GPHN: variants seen among roughly 807,000 people sequenced by gnomAD.
GPHN encodes the protein gephyrin.
A neutral mutation model predicts 95.5 loss-of-function variants in GPHN; 17 were observed. That is an observed-to-expected ratio of 0.18 (90% CI 0.12 to 0.27). The LOEUF (loss-of-function observed/expected upper bound fraction) is 0.27, where lower values mean the gene tolerates loss of function less well. Ranked by LOEUF, GPHN falls within the 10% of genes least tolerant of loss-of-function variation. The pLI is 1.00. For missense variants in GPHN, 660 were observed against 978.1 expected (o/e 0.67, Z 4.34); for synonymous variants, 320 against 322.5 (o/e 0.99, Z 0.08).
At chr14:67,595,709 T>C in the GPHN span, among the ~76,000 whole-genome samples, 5 of 152,232 alleles carry the variant, frequency 3.3e-5, no homozygotes, top group African/African-American at 1.2e-4. Flanking sequence ...GGAACTACTA[T>C]GGCCTCTGCC....
At chr14:67,711,016 A>G in the GPHN span, among the ~76,000 whole-genome samples, 1 of 152,194 alleles carries the variant, frequency 6.6e-6, no homozygotes, top group African/African-American at 2.4e-5. Context: ...CTTGCTTTTA[A>G]CCTTCAAACT....
the GPHN span, among the ~76,000 whole-genome samples, chr14:67,216,876 G>A: frequency 6.8e-3 from 1,037 of 152,228 alleles, 17 homozygotes; most frequent in African/African-American, 0.024. Context: ...TGAAAAGAAT[G>A]TGTACTGTGC....
intron 8 of GPHN, among the ~76,000 whole-genome samples, chr14:66,949,055 G>A (rs151054682): frequency 2.6e-5 from 4 of 152,212 alleles, no homozygotes; most frequent in African/African-American, 9.6e-5. Flanking sequence ...ACCCATTTAG[G>A]TATTATATGT....
At chr14:67,522,050 T>A in the GPHN span, among the ~76,000 whole-genome samples, 3 of 152,248 alleles carry the variant, frequency 2.0e-5, no homozygotes, top group African/African-American at 7.2e-5. Context: ...GGAGCGTGCC[T>A]GTTATCCCAG....
chr14:66,863,702 A>G (rs1039375217), intron 4 of GPHN, among the ~76,000 whole-genome samples: 2 of 152,220 alleles, frequency 1.3e-5, no homozygotes, highest in African/African-American at 4.8e-5. Context: ...AAAGATGTCA[A>G]GAACATGCAC....
rs187283579 is a variant in GPHN at position 66,870,098 on chromosome 14, T to A, written c.295-9841T>A. Among the ~76,000 whole-genome samples the A allele has an allele frequency of 9.7e-4, 148 of 152,280 alleles. 1 individual carries two copies. Among genetic ancestry groups the A allele is most frequent in the South Asian group, 7.2e-3 (35 of 4,832 alleles). On this transcript the variant is annotated intron_variant, in intron 4 of 22. Coordinates refer to ENST00000478722, the MANE Select transcript of GPHN (RefSeq NM_020806.5). ...TGATCTTTTACTACACCAAACAGCT[T>A]AAGAGGAAGAGAAAATAAAAGGAAA...
chr14:67,511,783 G>A, the GPHN span, among the ~76,000 whole-genome samples: 1 of 152,178 alleles, frequency 6.6e-6, no homozygotes, highest in African/African-American at 2.4e-5. Flanking sequence ...TGAGCATGAA[G>A]TATAGCCTCA....
intron 8 of GPHN, among the ~76,000 whole-genome samples, chr14:66,933,096 G>A (rs2066913957): frequency 6.6e-6 from 1 of 152,172 alleles, no homozygotes; most frequent in Non-Finnish European, 1.5e-5. Flanking sequence ...TTTGACAGAT[G>A]TTCAGTTTTA....
intron 6 of GPHN, among the ~76,000 whole-genome samples, chr14:66,921,517 G>A (rs758065928): frequency 2.0e-5 from 3 of 150,858 alleles, no homozygotes; most frequent in Non-Finnish European, 4.4e-5. Flanking sequence ...TGTCAGATGA[G>A]TAGATTGTGA....
chr14:66,867,076 A>G (rs551612650), intron 4 of GPHN, among the ~76,000 whole-genome samples: 36 of 152,282 alleles, frequency 2.4e-4, no homozygotes, highest in Admixed American at 2.0e-3. Flanking sequence ...GAAAAAAAAA[A>G]TGGAGCATCT....
At chr14:66,804,492 A>C (rs75103937) in intron 3 of GPHN, among the ~76,000 whole-genome samples, 1 of 152,182 alleles carries the variant, frequency 6.6e-6, no homozygotes, top group Non-Finnish European at 1.5e-5. Context: ...ATACCACCAG[A>C]ATCTACAATT....
At chr14:66,666,319 C>T (rs1033919577) in intron 1 of GPHN, among the ~76,000 whole-genome samples, 5 of 150,488 alleles carry the variant, frequency 3.3e-5, no homozygotes, top group Admixed American at 6.6e-5. Flanking sequence ...GAAAAGAATG[C>T]ACAATATCTT....
chr14:66,530,888 G>A (rs1399086403), intron 1 of GPHN, among the ~76,000 whole-genome samples: 2 of 151,516 alleles, frequency 1.3e-5, no homozygotes, highest in African/African-American at 4.9e-5. Flanking sequence ...GCTGCAGATC[G>A]AAGCTGTTCC....
chr14:66,849,105 TTAAA>T (rs1198968282), intron 4 of GPHN, among the ~76,000 whole-genome samples: 1 of 151,956 alleles, frequency 6.6e-6, no homozygotes, highest in East Asian at 1.9e-4. Context: ...GATTAAATGA[TTAAA>T]TAAATTGACT....
chr14:67,589,706 T>G, the GPHN span: 1 of 999,660 alleles, frequency 1.0e-6, no homozygotes, highest in Non-Finnish European at 1.2e-6. Context: ...TTGGAAAATA[T>G]AGCTTTCTCA....
At chr14:67,338,297 C>T in the GPHN span, 215 of 185,508 alleles carry the variant, frequency 1.2e-3, no homozygotes, top group African/African-American at 4.7e-3. Context: ...GGCCTGAGAC[C>T]GCTAATGCTT....
chr14:66,935,331 G>A (rs976870415), intron 8 of GPHN, among the ~76,000 whole-genome samples: 2 of 152,024 alleles, frequency 1.3e-5, no homozygotes, highest in African/African-American at 4.8e-5. Flanking sequence ...TGTATTGTAT[G>A]AAAGAACATC....
intron 3 of GPHN, among the ~76,000 whole-genome samples, chr14:66,812,063 A>G (rs2060785768): frequency 6.6e-6 from 1 of 152,198 alleles, no homozygotes; most frequent in African/African-American, 2.4e-5. Flanking sequence ...CTTGGCTACA[A>G]GAATGGTTTG....
At position 67,143,372 on chromosome 14, in the gene GPHN, T is replaced by C; in HGVS notation, c.1759T>C (p.Leu587=). Residue 587 remains leucine (L), a synonymous_variant, in exon 18 of 23, where the codon TTA becomes CTA. Transcript: ENST00000478722. ...LGIVGDNPDD[L]LNALNEGISR... Reference sequence around the variant, plus strand: ...TTTATTTTTTTCCAGCCCAGATGACTTACTCAATGCCTTGAATGAGGGTAT... The same window carrying C: ...TTTATTTTTTTCCAGCCCAGATGACCTACTCAATGCCTTGAATGAGGGTAT... The C allele has an allele frequency of 1.2e-6, 2 of 1,606,000 alleles. No individual in the cohort carries two copies. The highest frequency in any genetic ancestry group is 1.7e-6 in the Non-Finnish European group (2 of 1,172,616).
Sources: allele counts gnomAD v4.1 joint callset (sites outside exome capture counted in the v4.1 genomes callset), GRCh38; gene constraint gnomAD v4.1.1; transcripts MANE v1.5; gene names NCBI Gene and HGNC (gene_info 2026-07-23, HGNC 2026-07-21).